The following ROBO2 variants were observed in gnomAD, a reference collection of about 807,000 sequenced individuals.
The protein encoded by ROBO2 is roundabout homolog 2.
A neutral mutation model predicts 160.8 loss-of-function variants in ROBO2; 53 were observed. That is an observed-to-expected ratio of 0.33 (90% CI 0.26 to 0.41). The LOEUF (loss-of-function observed/expected upper bound fraction) is 0.41, where lower values mean the gene tolerates loss of function less well. ROBO2 is among the 10% of genes least tolerant of loss of function. The pLI is 1.00. For missense variants in ROBO2, 1,577 were observed against 1,722.4 expected (o/e 0.92, Z 1.49); for synonymous variants, 664 against 611.7 (o/e 1.09, Z -1.26).
chr3:76,735,253 G>T (rs2107922966), intron 2 of ROBO2, among the ~76,000 whole-genome samples: 1 of 152,278 alleles, frequency 6.6e-6, no homozygotes, highest in South Asian at 2.1e-4. Context: ...ATACCACCAA[G>T]CCAAACAAAA....
At chr3:76,862,051 A>G (rs891412143) in intron 2 of ROBO2, among the ~76,000 whole-genome samples, 2 of 152,100 alleles carry the variant, frequency 1.3e-5, no homozygotes, top group Non-Finnish European at 2.9e-5. Flanking sequence ...GCTGTAGTCC[A>G]AAAGTTCAAA....
chr3:76,919,938 C>T (rs951485843), intron 2 of ROBO2, among the ~76,000 whole-genome samples: 1 of 152,168 alleles, frequency 6.6e-6, no homozygotes, highest in Non-Finnish European at 1.5e-5. Flanking sequence ...GAATAAAAAT[C>T]TTCCCATGCA....
intron 2 of ROBO2, among the ~76,000 whole-genome samples, chr3:76,009,587 C>A (rs2066136298): frequency 6.6e-6 from 1 of 152,156 alleles, no homozygotes; most frequent in Admixed American, 6.5e-5. Context: ...TTGCGTCTTT[C>A]AGAAAACTCA....
At chr3:76,401,986 G>A (rs1190787114) in intron 2 of ROBO2, among the ~76,000 whole-genome samples, 3 of 151,450 alleles carry the variant, frequency 2.0e-5, no homozygotes, top group African/African-American at 4.8e-5. Context: ...GATAACTTCT[G>A]AATTTTTTAG....
At chr3:75,962,284 TGAAA>T (rs1948944091) in intron 2 of ROBO2, among the ~76,000 whole-genome samples, 1 of 151,778 alleles carries the variant, frequency 6.6e-6, no homozygotes, top group South Asian at 2.1e-4. Flanking sequence ...TCCAAAGTGC[TGAAA>T]GAAAGAATAT....
At chr3:77,643,308 G>T (rs1159491502) in intron 24 of ROBO2, among the ~76,000 whole-genome samples, 3 of 152,076 alleles carry the variant, frequency 2.0e-5, no homozygotes, top group African/African-American at 7.2e-5. Context: ...GTTCATTTTG[G>T]CTGAAATAAC....
At chr3:77,295,264 A>T (rs1188683535) in intron 2 of ROBO2, among the ~76,000 whole-genome samples, 1 of 148,494 alleles carries the variant, frequency 6.7e-6, no homozygotes, top group Non-Finnish European at 1.5e-5. Context: ...TGACGATTAA[A>T]CGGTAAGCTG....
At chr3:76,378,493 A>G (rs753385889) in intron 2 of ROBO2, among the ~76,000 whole-genome samples, 1 of 152,212 alleles carries the variant, frequency 6.6e-6, no homozygotes, top group Non-Finnish European at 1.5e-5. Flanking sequence ...GAGATCAAGT[A>G]TCATCCCTCC....
intron 2 of ROBO2, among the ~76,000 whole-genome samples, chr3:76,189,065 A>T (rs750122790): frequency 2.1e-4 from 32 of 152,078 alleles, no homozygotes; most frequent in Non-Finnish European, 4.3e-4. Context: ...ATAGGAATAA[A>T]CACTGAGTCA....
At chr3:76,640,314 T>C (rs182933822) in intron 2 of ROBO2, among the ~76,000 whole-genome samples, 102 of 152,290 alleles carry the variant, frequency 6.7e-4, no homozygotes, top group Non-Finnish European at 1.1e-3. Flanking sequence ...GCGGATTGCC[T>C]GAGGTCAGGA....
At chr3:76,850,137 G>A (rs1191370114) in intron 2 of ROBO2, among the ~76,000 whole-genome samples, 1 of 152,032 alleles carries the variant, frequency 6.6e-6, no homozygotes, top group Non-Finnish European at 1.5e-5. Context: ...CTTGCAGTGA[G>A]TCAAGATCAT....
chr3:77,240,889 T>C (rs556469453), intron 2 of ROBO2, among the ~76,000 whole-genome samples: 1 of 152,182 alleles, frequency 6.6e-6, no homozygotes, highest in East Asian at 1.9e-4. Context: ...AAGTGTCACA[T>C]GAAAGTGAAA....
chr3:77,232,418 A>T (rs1174326386), intron 2 of ROBO2, among the ~76,000 whole-genome samples: 1 of 152,128 alleles, frequency 6.6e-6, no homozygotes, highest in Admixed American at 6.6e-5. Flanking sequence ...GAACCAGTGG[A>T]AAGAGTGAGA....
intron 2 of ROBO2, among the ~76,000 whole-genome samples, chr3:76,205,022 G>T (rs540648003): frequency 1.3e-5 from 2 of 152,230 alleles, no homozygotes; most frequent in South Asian, 4.1e-4. Flanking sequence ...TCACTGAGAC[G>T]AAGTTACCCT....
chr3:76,937,825 T>G (rs1323393773), intron 2 of ROBO2, among the ~76,000 whole-genome samples: 1 of 152,240 alleles, frequency 6.6e-6, no homozygotes, highest in African/African-American at 2.4e-5. Flanking sequence ...TTCAAAGTTA[T>G]GCATAAAGCT....
Position 76,703,023 on chromosome 3 carries a change from C to CAGA in ROBO2, c.110-394988_110-394986dup, listed in dbSNP as rs2093079996. Among the ~76,000 whole-genome samples, 3 of 152,258 alleles carry CAGA rather than the reference C, an allele frequency of 2.0e-5. No homozygotes were observed. The South Asian group carries it at 6.2e-4, about 32-fold the overall frequency. Reference sequence around the variant, plus strand: ...AATCAGTGGAAGGGTCAAGCCTAGTCAGAAGTTCTCCTCAACCATATCTGC... The same window carrying CAGA: ...AATCAGTGGAAGGGTCAAGCCTAGTCAGAAGAAGTTCTCCTCAACCATATCTGC... On this transcript the variant is annotated intron_variant, in intron 2 of 26. Coordinates refer to the ROBO2 transcript ENST00000487694.
chr3:76,537,357 T>C (rs1167812026), intron 2 of ROBO2, among the ~76,000 whole-genome samples: 2 of 152,064 alleles, frequency 1.3e-5, no homozygotes, highest in African/African-American at 4.8e-5. Context: ...TTGCAACCAT[T>C]GTCAAGTTTG....
At chr3:76,926,449 T>C (rs1292822323) in intron 2 of ROBO2, among the ~76,000 whole-genome samples, 6 of 152,220 alleles carry the variant, frequency 3.9e-5, no homozygotes, top group African/African-American at 1.4e-4. Flanking sequence ...TTTTTATCTT[T>C]GCATTGATTG....
chr3:76,751,081 C>T (rs1271171914), intron 2 of ROBO2, among the ~76,000 whole-genome samples: 1 of 152,118 alleles, frequency 6.6e-6, no homozygotes, highest in African/African-American at 2.4e-5. Flanking sequence ...CAGCATGGTA[C>T]TGGTACCAAA....
Sources: gnomAD v4.1 joint callset for allele counts (sites outside exome capture counted in the v4.1 genomes callset) on GRCh38, gnomAD v4.1.1 for gene constraint, MANE v1.5 for transcripts, NCBI Gene and HGNC (gene_info 2026-07-23, HGNC 2026-07-21) for gene names.